TAS2R1: variants seen among roughly 807,000 people sequenced by gnomAD.
TAS2R1 encodes taste receptor type 2 member 1.
For synonymous variants in TAS2R1, 141 were observed against 134.2 expected, an observed-to-expected ratio of 1.05 and a Z score of -0.35; for missense variants, 370 against 353.4, an observed-to-expected ratio of 1.05 and a Z score of -0.38.
the TAS2R1 span, among the ~76,000 whole-genome samples, chr5:9,772,268 C>T: frequency 6.6e-6 from 1 of 151,996 alleles, no homozygotes; most frequent in Admixed American, 6.6e-5. Context: ...GACACACTGG[C>T]CATTCTGGAG....
Position 9,629,030 on chromosome 5 carries a change from GTTGTAT to G in TAS2R1, c.*97_*102del. 8.0e-7 allele frequency: 1 copy of G among 1,249,668 alleles called. No homozygotes were observed. The highest frequency in any genetic ancestry group is 1.1e-6 in the Non-Finnish European group (1 of 916,730). 77.4% of individuals were successfully genotyped at this position (1,249,668 alleles called of 1,614,324 possible). ...GGATAAACAGGCCTGAAGGGGACAT[GTTGTAT>G]ATTTATGAACAGGCTGCTTTGTCTG... On this transcript the variant is annotated 3_prime_UTR_variant, in exon 1 of 1. Coordinates refer to ENST00000382492, the MANE Select transcript of TAS2R1 (RefSeq NM_019599.3).
the TAS2R1 span, among the ~76,000 whole-genome samples, chr5:9,726,761 A>C: frequency 4.6e-5 from 7 of 152,230 alleles, no homozygotes; most frequent in Non-Finnish European, 7.3e-5. Context: ...CACTAGCACC[A>C]ACTGAGGATG....
At chr5:9,675,248 T>C (rs1417998565) in intron 1 of TAS2R1, among the ~76,000 whole-genome samples, 2 of 151,260 alleles carry the variant, frequency 1.3e-5, no homozygotes, top group Middle Eastern at 3.5e-3. Context: ...GCTAATATAT[T>C]CCAACTTGAT....
the TAS2R1 span, among the ~76,000 whole-genome samples, chr5:9,901,895 A>C: frequency 2.0e-3 from 304 of 152,228 alleles, 3 homozygotes; most frequent in South Asian, 5.8e-3. Context: ...CTAACCATGA[A>C]TAGCTGCTTC....
chr5:9,871,145 C>T, the TAS2R1 span, among the ~76,000 whole-genome samples: 3 of 152,014 alleles, frequency 2.0e-5, no homozygotes, highest in Non-Finnish European at 4.4e-5. Flanking sequence ...GTCTCCAGGG[C>T]ACAATCAGGA....
At chr5:9,893,083 T>C in the TAS2R1 span, among the ~76,000 whole-genome samples, 1 of 152,168 alleles carries the variant, frequency 6.6e-6, no homozygotes, top group South Asian at 2.1e-4. Flanking sequence ...CTGGCAGCAA[T>C]ATTTTTAAGG....
the TAS2R1 span, among the ~76,000 whole-genome samples, chr5:9,724,338 T>TA: frequency 7.2e-6 from 1 of 139,840 alleles, no homozygotes; most frequent in Non-Finnish European, 1.5e-5. Context: ...TCTTAGATGT[T>TA]TCTTTCTTTT....
the TAS2R1 span, among the ~76,000 whole-genome samples, chr5:9,770,349 C>G: frequency 6.6e-6 from 1 of 152,142 alleles, no homozygotes; most frequent in Admixed American, 6.5e-5. Flanking sequence ...AGTAATTCTT[C>G]CAGTTTTGCT....
chr5:9,879,383 T>G, the TAS2R1 span, among the ~76,000 whole-genome samples: 1 of 152,216 alleles, frequency 6.6e-6, no homozygotes, highest in African/African-American at 2.4e-5. Context: ...CAAGGGCACC[T>G]GCCTCTCCTG....
At chr5:9,732,189 C>T in the TAS2R1 span, among the ~76,000 whole-genome samples, 1 of 152,234 alleles carries the variant, frequency 6.6e-6, no homozygotes, top group East Asian at 1.9e-4. Context: ...AGGAATATTC[C>T]CAACACTGGA....
chr5:9,704,259 G>A (rs190975063), intron 1 of TAS2R1, among the ~76,000 whole-genome samples: 138 of 151,838 alleles, frequency 9.1e-4, no homozygotes, highest in African/African-American at 3.0e-3. Context: ...TCAATTTTCT[G>A]CATTACCATT....
At chr5:9,803,412 A>G in the TAS2R1 span, among the ~76,000 whole-genome samples, 3 of 152,336 alleles carry the variant, frequency 2.0e-5, no homozygotes, top group Non-Finnish European at 4.4e-5. Flanking sequence ...ATTCATCACA[A>G]GAAGTTCATC....
chr5:9,726,243 G>A, the TAS2R1 span, among the ~76,000 whole-genome samples: 508 of 152,124 alleles, frequency 3.3e-3, 1 homozygote, highest in African/African-American at 0.012. Context: ...ACTCTGGTGG[G>A]GACTTGGAGA....
chr5:9,685,610 G>T (rs924049801), intron 1 of TAS2R1, among the ~76,000 whole-genome samples: 2 of 152,134 alleles, frequency 1.3e-5, no homozygotes, highest in African/African-American at 4.8e-5. Flanking sequence ...GGCTGAGGAG[G>T]TTGTTAAGGA....
chr5:9,749,273 G>A, the TAS2R1 span, among the ~76,000 whole-genome samples: 1 of 152,326 alleles, frequency 6.6e-6, no homozygotes, highest in South Asian at 2.1e-4. Flanking sequence ...GTCAAAGTTG[G>A]AGAATGGCCT....
chr5:9,728,129 C>T, the TAS2R1 span, among the ~76,000 whole-genome samples: 1 of 152,110 alleles, frequency 6.6e-6, no homozygotes, highest in African/African-American at 2.4e-5. Flanking sequence ...GAAAGGTTGG[C>T]AAAACCCAAA....
the TAS2R1 span, among the ~76,000 whole-genome samples, chr5:9,763,908 A>T: frequency 6.6e-6 from 1 of 152,234 alleles, no homozygotes; most frequent in Non-Finnish European, 1.5e-5. Flanking sequence ...CAATATGGAA[A>T]ATAAAAGTTA....
chr5:9,773,051 T>G, the TAS2R1 span, among the ~76,000 whole-genome samples: 1 of 152,094 alleles, frequency 6.6e-6, no homozygotes, highest in Admixed American at 6.5e-5. Flanking sequence ...CACTTTGTTA[T>G]TTTTCTGGTT....
chr5:9,671,897 A>G (rs1411354038), intron 1 of TAS2R1, among the ~76,000 whole-genome samples: 1 of 152,184 alleles, frequency 6.6e-6, no homozygotes, highest in Non-Finnish European at 1.5e-5. Flanking sequence ...ACTTCAAACT[A>G]TACTAAAACA....
Sources: allele counts gnomAD v4.1 joint callset (sites outside exome capture counted in the v4.1 genomes callset), GRCh38; gene constraint gnomAD v4.1.1; transcripts MANE v1.5; gene names NCBI Gene and HGNC (gene_info 2026-07-23, HGNC 2026-07-21).